EFCAB10: variants seen among roughly 807,000 people sequenced by gnomAD.
EFCAB10 encodes EF-hand calcium binding domain 10.
Under a neutral mutation model 7.7 loss-of-function variants are expected in EFCAB10, and 7 were observed. The ratio of observed to expected loss-of-function variants is 0.91; its 90% CI spans 0.52 to 1.72. The LOEUF (loss-of-function observed/expected upper bound fraction) is 1.72. Among genes scored for constraint, EFCAB10 ranks in the 40% most tolerant of loss-of-function variants. The probability of loss-of-function intolerance (pLI) is 0.00; values close to 1 mark genes in which losing one functional copy is unlikely to be tolerated. For synonymous variants in EFCAB10, 52 were observed against 21.0 expected (o/e 2.47, Z -4.03); for missense variants, 112 against 61.5 (o/e 1.82, Z -2.74).
At chr7:105,579,691 A>G (rs1562870252) in intron 1 of EFCAB10, among the ~76,000 whole-genome samples, 1 of 152,192 alleles carries the variant, frequency 6.6e-6, no homozygotes, top group African/African-American at 2.4e-5. Flanking sequence ...TCCACAGCAT[A>G]AAGCTAGTAT....
At position 105,574,245 on chromosome 7, in the gene EFCAB10, G is replaced by GTATATATA. The variant is rs58936582; in HGVS notation, c.107-4682_107-4675dup. ...CCGTATATGTACACACATATATACAGTATATATATATATATATACATATAC... is the reference window on the plus strand; with the variant it reads ...CCGTATATGTACACACATATATACAGTATATATATATATATATATATATATACATATAC... On this transcript the variant is annotated intron_variant, in intron 1 of 4. Transcript: ENST00000480514. 3.1e-3 allele frequency among the ~76,000 whole-genome samples: 452 copies of GTATATATA among 143,752 alleles called. 3 individuals are homozygous for GTATATATA. Among genetic ancestry groups the GTATATATA allele is most frequent in the African/African-American group, 0.011 (438 of 39,532 alleles). 94.3% of individuals were successfully genotyped at this position (143,752 alleles called of 152,430 possible). A position where few individuals can be genotyped will look rare whatever the true frequency, so the allele number is the denominator to read the frequency against.
chr7:105,567,066 A>G, intron 4 of EFCAB10: 1 of 1,142,026 alleles, frequency 8.8e-7, no homozygotes. Context: ...ATTGTAATAT[A>G]ATTGATGCAG....
At chr7:105,573,513 A>G (rs749055069) in intron 1 of EFCAB10, 3 of 152,164 alleles carry the variant, frequency 2.0e-5, no homozygotes, top group Non-Finnish European at 2.9e-5. Context: ...TTTATACTCT[A>G]CCTGCTTTTA....
chr7:105,569,139 T>G, intron 3 of EFCAB10, 64 bp downstream of exon 3: 1 of 695,102 alleles, frequency 1.4e-6, no homozygotes, highest in Middle Eastern at 3.7e-4. Context: ...GTTTTAAAGG[T>G]ATTAATTGTG....
In EFCAB10 at chr7:105,574,545, C is replaced by T. The variant is rs956712336; in HGVS notation, c.107-4974G>A. 1.3e-4 allele frequency among the ~76,000 whole-genome samples: 19 copies of T among 151,708 alleles called. No individual in the cohort carries two copies. The South Asian group carries it at 1.7e-3, about 13-fold the overall frequency. ...TGTTGCCCAGGCTGGAGTGCAGAGG[C>T]GCGATCTTGGCTCACTGCAAGCTCT... On this transcript the variant is annotated intron_variant, in intron 1 of 4. Coordinates refer to ENST00000480514, the MANE Select transcript of EFCAB10 (RefSeq NM_001355526.2).
intron 1 of EFCAB10, among the ~76,000 whole-genome samples, chr7:105,574,560 C>T (rs1792028490): frequency 6.6e-6 from 1 of 151,980 alleles, no homozygotes; most frequent in South Asian, 2.1e-4. Context: ...TCTTGGCTCA[C>T]TGCAAGCTCT....
chr7:105,570,266 T>TACACACAC lies in EFCAB10; in HGVS notation c.107-696_107-695insGTGTGTGT, dbSNP rs199655037. 4.4e-4 allele frequency among the ~76,000 whole-genome samples: 35 copies of TACACACAC among 79,964 alleles called. 1 individual carries two copies. Among genetic ancestry groups the TACACACAC allele is most frequent in the East Asian group, 9.6e-4 (3 of 3,116 alleles). 52.5% of individuals were successfully genotyped at this position (79,964 alleles called of 152,430 possible). ...ATATATATATATATATATATATATA[T>TACACACAC]ATACACACACACACACATACATATA... is the stretch of plus-strand genomic sequence containing the variant. On this transcript the variant is annotated intron_variant, in intron 1 of 4. Transcript: ENST00000480514.
chr7:105,581,323 G>C, intron 1 of EFCAB10, 35 bp downstream of exon 1: 1 of 702,054 alleles, frequency 1.4e-6, no homozygotes, highest in Non-Finnish European at 2.6e-6. Context: ...ACCCCACATG[G>C]AGGTATGGCT....
intron 3 of EFCAB10, among the ~76,000 whole-genome samples, chr7:105,568,090 T>G (rs1327900662): frequency 1.3e-5 from 2 of 152,250 alleles, no homozygotes; most frequent in Non-Finnish European, 2.9e-5. Context: ...CTTCCTAGTT[T>G]CATTCTGTGT....
At chr7:105,574,513 C>G (rs1792026928) in intron 1 of EFCAB10, among the ~76,000 whole-genome samples, 1 of 151,534 alleles carries the variant, frequency 6.6e-6, no homozygotes, top group Non-Finnish European at 1.5e-5. Context: ...GAGACGGAAT[C>G]TCGCTCTGTT....
At chr7:105,579,416 C>A (rs1706906) in intron 1 of EFCAB10, among the ~76,000 whole-genome samples, 1 of 152,150 alleles carries the variant, frequency 6.6e-6, no homozygotes, top group Non-Finnish European at 1.5e-5. Flanking sequence ...AATGAGAGGA[C>A]AGCTGTACTG....
At chr7:105,565,676 T>A in intron 4 of EFCAB10, 1 of 1,413,648 alleles carries the variant, frequency 7.1e-7, no homozygotes, top group Non-Finnish European at 9.9e-7. Flanking sequence ...CAATTAATAT[T>A]AATGTATCAA....
At chr7:105,578,075 AT>A (rs1291946069) in intron 1 of EFCAB10, among the ~76,000 whole-genome samples, 2 of 152,140 alleles carry the variant, frequency 1.3e-5, no homozygotes, top group Non-Finnish European at 2.9e-5. Context: ...GTCTTTTTAA[AT>A]TTTGTTGTTC....
At chr7:105,567,409 G>A in intron 4 of EFCAB10, 58 bp downstream of exon 4, 2 of 848,070 alleles carry the variant, frequency 2.4e-6, no homozygotes, top group South Asian at 3.0e-5. Context: ...TAATGAAACT[G>A]GAAAACTTTA....
At position 105,565,444 on chromosome 7, in the gene EFCAB10, A is replaced by C; in HGVS notation, c.*3T>G. ...ATGCTTGTAGAGAAGCTGGATGTAT[A>C]CATCTACCAAGAAGTAAGTAAGAAT... On this transcript the variant is annotated 3_prime_UTR_variant, in exon 5 of 5. Transcript: ENST00000480514. 1 of 1,614,086 alleles carries C rather than the reference A, an allele frequency of 6.2e-7. No individual in the cohort carries two copies. Among genetic ancestry groups the C allele is most frequent in the Non-Finnish European group, 8.5e-7 (1 of 1,179,938 alleles).
chr7:105,575,115 C>CAA (rs541720724), intron 1 of EFCAB10, among the ~76,000 whole-genome samples: 9 of 111,034 alleles, frequency 8.1e-5, no homozygotes, highest in South Asian at 3.0e-4. Flanking sequence ...AACTCTGTCT[C>CAA]AAAAAAAAAA....
intron 4 of EFCAB10, 156 bp downstream of exon 4, chr7:105,567,311 A>C: frequency 6.3e-7 from 1 of 1,577,694 alleles, no homozygotes; most frequent in Non-Finnish European, 8.6e-7. Flanking sequence ...CTGGAAAATA[A>C]TGTCTTTCAG....
intron 4 of EFCAB10, 69 bp from the exon 5 acceptor site, chr7:105,565,516 ATTC>A: frequency 1.2e-6 from 2 of 1,611,824 alleles, no homozygotes; most frequent in Non-Finnish European, 1.7e-6. Flanking sequence ...TATATGAATT[ATTC>A]TTTGTTTCAG....
chr7:105,566,887 G>A (rs894564592), intron 4 of EFCAB10: 9 of 296,340 alleles, frequency 3.0e-5, no homozygotes, highest in African/African-American at 1.5e-4. Context: ...GGGAAATAAC[G>A]GATACATATT....
Sources: gnomAD v4.1 joint callset for allele counts (sites outside exome capture counted in the v4.1 genomes callset) on GRCh38, gnomAD v4.1.1 for gene constraint, MANE v1.5 for transcripts, NCBI Gene and HGNC (gene_info 2026-07-23, HGNC 2026-07-21) for gene names.